The following C2CD4D variants were observed in gnomAD, a reference collection of about 807,000 sequenced individuals.
C2CD4D encodes C2 calcium-dependent domain-containing protein 4D.
In C2CD4D, 1 loss-of-function variant was observed where a neutral mutation model predicts 0.2. The observed-to-expected ratio is 4.00, with a 90% confidence interval of 1.42 to 18.99. The LOEUF is 18.99. Ranked by LOEUF, C2CD4D falls within the 30% of genes most tolerant of loss-of-function variation. C2CD4D has a pLI of 0.11. For synonymous variants in C2CD4D, 269 were observed against 279.8 expected, an observed-to-expected ratio of 0.96 and a Z score of 0.39; for missense variants, 552 against 551.2, an observed-to-expected ratio of 1.00 and a Z score of -0.01.
At chr1:151,838,479 G>T (rs926252020) in exon 2 of C2CD4D, 2 of 1,396,216 alleles carry the variant, frequency 1.4e-6, no homozygotes, top group Non-Finnish European at 1.9e-6. Flanking sequence ...GCTTTTTCTG[G>T]GGACAGAGAG....
At chr1:151,839,568 T>A (rs1652719127) in intron 1 of C2CD4D, among the ~76,000 whole-genome samples, 96 bp downstream of exon 1, 2 of 152,022 alleles carry the variant, frequency 1.3e-5, no homozygotes, top group Admixed American at 1.3e-4. Flanking sequence ...GGCTCAAGCT[T>A]CTCTGGCCTG....
chr1:151,838,387 G>T lies in C2CD4D; in HGVS notation c.603C>A (p.Cys201Ter). The T allele has an allele frequency of 6.9e-7, 1 of 1,441,044 alleles. No individual in the cohort carries two copies. The highest frequency in any genetic ancestry group is 9.1e-7 in the Non-Finnish European group (1 of 1,097,896). The allele number at this position is 1,441,044 out of a possible 1,614,324, so 89.3% of individuals were successfully genotyped here. ...TCTCGCGCGTGGGCCGCAGCTGGCA[G>T]CACAGGAAGTCCAGGTGGAAGAGCG... Residue 201 changes from cysteine to a stop codon, truncating the protein, a stop_gained, in exon 2 of 2, where the codon TGC becomes TGA. Coordinates refer to ENST00000454109, the Ensembl canonical transcript of C2CD4D. LOFTEE classifies it low-confidence loss of function (END_TRUNC).
intron 1 of C2CD4D, among the ~76,000 whole-genome samples, 63 bp downstream of exon 1, chr1:151,839,601 C>G (rs1481758847): frequency 3.3e-5 from 5 of 152,152 alleles, no homozygotes; most frequent in Admixed American, 1.3e-4. Context: ...GTCCTAGCCC[C>G]ACCTGCCTCC....
exon 2 of C2CD4D, chr1:151,838,140 G>C: frequency 6.4e-7 from 1 of 1,551,332 alleles, no homozygotes; most frequent in South Asian, 1.2e-5. Flanking sequence ...TTGAAGATGG[G>C]GTTGGCGCTG....
chr1:151,838,825 A>G, exon 2 of C2CD4D: 2 of 1,453,922 alleles, frequency 1.4e-6, no homozygotes, highest in Non-Finnish European at 1.8e-6. Flanking sequence ...CCGGGAGCCG[A>G]GGCGGGATGA....
At chr1:151,839,755 A>T (rs568568060) in intron 1 of C2CD4D, among the ~76,000 whole-genome samples, 1 of 152,118 alleles carries the variant, frequency 6.6e-6, no homozygotes, top group East Asian at 1.9e-4. Flanking sequence ...GGGACACAGA[A>T]TCCCACCCCC....
At position 151,838,338 on chromosome 1, in the gene C2CD4D, C is replaced by T. The variant is rs564024295; in HGVS notation, c.652G>A (p.Gly218Ser). ...TCGGTGGAGAGCCGCAGCTGCCCGC[C>T]GCGGGGCCCCAGGCGCAGCACGCTC... The change falls in exon 2 of 2, where the codon GGC (glycine) becomes AGC (serine). Residue 218 changes from glycine to serine, a missense_variant. Physicochemically the swap from Gly to Ser is moderately conservative, Grantham distance 56. Coordinates refer to ENST00000454109, the Ensembl canonical transcript of C2CD4D. 56 of 1,416,140 alleles carry T rather than the reference C, an allele frequency of 4.0e-5. 1 individual carries two copies. In the South Asian group the frequency reaches 7.5e-4, roughly 19 times the overall value. The allele number at this position is 1,416,140 out of a possible 1,614,324, so 87.7% of individuals were successfully genotyped here.
At chr1:151,839,279 C>T (rs1652706215) in intron 1 of C2CD4D, 59 bp from the exon 2 acceptor site, 2 of 463,850 alleles carry the variant, frequency 4.3e-6, no homozygotes, top group Non-Finnish European at 7.7e-6. Flanking sequence ...TACGGGCCTC[C>T]GTCACCAAGT....
chr1:151,838,350 G>A (rs1223621260), exon 2 of C2CD4D: 63 of 1,422,628 alleles, frequency 4.4e-5, no homozygotes, highest in Non-Finnish European at 3.0e-5. Context: ...CGGGGCCCCA[G>A]GCGCAGCACG....
At chr1:151,838,794 C>T (rs1327952173) in exon 2 of C2CD4D, 6 of 1,362,710 alleles carry the variant, frequency 4.4e-6, no homozygotes, top group Middle Eastern at 2.5e-4. Flanking sequence ...CGCCGGGCCG[C>T]GGGCACTGCG....
exon 2 of C2CD4D, chr1:151,838,071 C>G (rs943872913): frequency 6.4e-7 from 1 of 1,551,508 alleles, no homozygotes; most frequent in Admixed American, 2.0e-5. Flanking sequence ...AGCACCTTGG[C>G]TCTCAGGCTG....
At chr1:151,838,559 G>A in exon 2 of C2CD4D, 2 of 1,319,426 alleles carry the variant, frequency 1.5e-6, no homozygotes, top group Non-Finnish European at 1.9e-6. Context: ...GTCCGGCGAC[G>A]AGGCCGTGTC....
chr1:151,837,965 G>A, exon 2 of C2CD4D: 1 of 1,548,056 alleles, frequency 6.5e-7, no homozygotes, highest in Non-Finnish European at 8.7e-7. Flanking sequence ...GGATGACCCG[G>A]GACCTAGTCC....
chr1:151,838,900 G>A (rs1384949081), exon 2 of C2CD4D: 16 of 1,547,092 alleles, frequency 1.0e-5, no homozygotes, highest in Admixed American at 3.9e-5. Context: ...GGCCCGGGGC[G>A]CGACGCTTGG....
Position 151,839,066 on chromosome 1 carries a change from G to C in C2CD4D, c.-77C>G, listed in dbSNP as rs74812899. Reference sequence around the variant, plus strand: ...AATCCCGTCTCAGATGGGAGTGCTCGGCGGAGCGGGGCTGGGCGAGGAGCG... The same window carrying C: ...AATCCCGTCTCAGATGGGAGTGCTCCGCGGAGCGGGGCTGGGCGAGGAGCG... On this transcript the variant is annotated 5_prime_UTR_variant, in exon 2 of 2. Transcript: ENST00000454109. 44 of 1,475,398 alleles carry C rather than the reference G, an allele frequency of 3.0e-5. 1 individual carries two copies. The highest frequency in any genetic ancestry group is 4.0e-5 in the Non-Finnish European group (44 of 1,091,908). The allele number at this position is 1,475,398 out of a possible 1,614,324, so 91.4% of individuals were successfully genotyped here.
exon 2 of C2CD4D, chr1:151,839,063 C>T (rs2101689092): frequency 1.3e-6 from 2 of 1,482,648 alleles, no homozygotes; most frequent in African/African-American, 1.4e-5. Context: ...GATGGGAGTG[C>T]TCGGCGGAGC....
chr1:151,838,489 G>A (rs1344554320), exon 2 of C2CD4D: 16 of 1,394,182 alleles, frequency 1.1e-5, no homozygotes, highest in East Asian at 6.2e-5. Context: ...GGGACAGAGA[G>A]TGAGGCCTGG....
At chr1:151,838,369 C>T (rs1278996472) in exon 2 of C2CD4D, 5 of 1,432,444 alleles carry the variant, frequency 3.5e-6, no homozygotes, top group Non-Finnish European at 4.6e-6. Context: ...CGCTCTCGCG[C>T]GTGGGCCGCA....
chr1:151,838,806 C>A, exon 2 of C2CD4D: 1 of 1,403,148 alleles, frequency 7.1e-7, no homozygotes, highest in Non-Finnish European at 9.2e-7. Context: ...GGCACTGCGC[C>A]GCCCGGGTCC....
Sources: allele counts gnomAD v4.1 joint callset (sites outside exome capture counted in the v4.1 genomes callset), GRCh38; gene constraint gnomAD v4.1.1; transcripts MANE v1.5; gene names NCBI Gene and HGNC (gene_info 2026-07-23, HGNC 2026-07-21).